Variants in TSPAN4 observed in about 807,000 individuals in gnomAD.
TSPAN4 encodes the protein tetraspanin 4, also known as tetraspanin-4.
Under a neutral mutation model 31.5 loss-of-function variants are expected in TSPAN4, and 38 were observed. That is an observed-to-expected ratio of 1.21 (90% confidence interval 0.93 to 1.58). The LOEUF is 1.58. Ranked by LOEUF, TSPAN4 falls within the 40% of genes most tolerant of loss-of-function variation. The probability of loss-of-function intolerance (pLI) is 0.00; values close to 1 mark genes in which losing one functional copy is unlikely to be tolerated. For missense variants in TSPAN4, 330 were observed against 317.3 expected, an observed-to-expected ratio of 1.04 and a Z score of -0.30; for synonymous variants, 186 against 144.6, an observed-to-expected ratio of 1.29 and a Z score of -2.06.
intron 3 of TSPAN4, among the ~76,000 whole-genome samples, chr11:859,144 A>C (rs1589781992): frequency 1.8e-5 from 2 of 111,104 alleles, no homozygotes; most frequent in South Asian, 3.4e-4. Flanking sequence ...CCCTGGGCTC[A>C]CATGCACCCC....
At chr11:852,282 CCTGT>C (rs922539640) in intron 3 of TSPAN4, among the ~76,000 whole-genome samples, 1 of 152,014 alleles carries the variant, frequency 6.6e-6, no homozygotes, top group African/African-American at 2.4e-5. Context: ...CATCACCACG[CCTGT>C]CTAATTTTTG....
intron 3 of TSPAN4, among the ~76,000 whole-genome samples, chr11:861,690 T>C (rs1430315439): frequency 1.4e-5 from 2 of 147,668 alleles, no homozygotes; most frequent in Non-Finnish European, 3.0e-5. Context: ...CCAGCCTGGG[T>C]GACAGTGCGA....
intron 3 of TSPAN4, chr11:857,189 C>T (rs1178988353): frequency 6.6e-6 from 1 of 152,172 alleles, no homozygotes; most frequent in African/African-American, 2.4e-5. Flanking sequence ...GGGAGGGGCC[C>T]AGGGCTGGAG....
At chr11:851,791 A>G (rs1327049691) in intron 3 of TSPAN4, among the ~76,000 whole-genome samples, 2 of 151,128 alleles carry the variant, frequency 1.3e-5, no homozygotes, top group African/African-American at 4.9e-5. Context: ...GGGCAGAATG[A>G]CTGAAGGGCA....
intron 5 of TSPAN4, chr11:865,000 C>T (rs1218072358): frequency 1.1e-5 from 2 of 185,434 alleles, no homozygotes; most frequent in Non-Finnish European, 2.3e-5. Flanking sequence ...CTGCCGTCTG[C>T]TGCTGGGTCC....
chr11:843,902 G>T (rs988569286), intron 1 of TSPAN4, among the ~76,000 whole-genome samples: 5 of 152,158 alleles, frequency 3.3e-5, no homozygotes, highest in Admixed American at 6.5e-5. Flanking sequence ...GAGGACGAAG[G>T]GTTTTCTGGG....
chr11:850,434 G>A, intron 3 of TSPAN4, 67 bp downstream of exon 3: 1 of 1,407,346 alleles, frequency 7.1e-7, no homozygotes, highest in Non-Finnish European at 9.8e-7. Context: ...GGGTCGCGGG[G>A]TCTGGGGAGT....
Position 854,494 on chromosome 11 carries a change from C to G in TSPAN4, c.63+4127C>G, listed in dbSNP as rs1036373351. ...TGTGGGAGGCCTCTCAGTTCCCCAC[C>G]ACCTGCGCTGATCCCCGGGGAGACC... On this transcript the variant is annotated intron_variant, in intron 3 of 8. Transcript: ENST00000397397. 2.3e-4 allele frequency among the ~76,000 whole-genome samples: 19 copies of G among 82,556 alleles called. No individual in the cohort carries two copies. The East Asian group carries it at 2.7e-3, about 12-fold the overall frequency. The allele number at this position is 82,556 out of a possible 152,430, so 54.2% of individuals were successfully genotyped here. A position where few individuals can be genotyped will look rare whatever the true frequency, so the allele number is the denominator to read the frequency against.
intron 2 of TSPAN4, among the ~76,000 whole-genome samples, chr11:847,613 C>CT: frequency 6.7e-6 from 1 of 149,224 alleles, no homozygotes; most frequent in Middle Eastern, 3.4e-3. Flanking sequence ...CCGCCCCCAC[C>CT]CCCCCCCAAC....
intron 2 of TSPAN4, chr11:849,793 G>A (rs1490258252): frequency 6.8e-6 from 1 of 147,866 alleles, no homozygotes; most frequent in African/African-American, 2.4e-5. Context: ...GGGATTGGCC[G>A]GGAGGGCGCG....
rs372781672 is a variant in TSPAN4 at position 865,996 on chromosome 11, G to A, written c.643G>A (p.Val215Met). Reference protein sequence around the residue: ...VGIFGLCTALVQILGLTFAMT... With the variant: ...VGIFGLCTALMQILGLTFAMT... ...CATCTTTGGGCTGTGCACGGCGCTG[G>A]TGCAGGTATGGCCTGGGGGCCTGCG... is the stretch of plus-strand genomic sequence containing the variant. The change falls in exon 8 of 9, where the codon GTG becomes ATG. Residue 215 changes from valine to methionine, a missense_variant. Transcript: ENST00000397397. 6.2e-7 allele frequency: 1 copy of A among 1,611,994 alleles called. No homozygotes were observed. The highest frequency in any genetic ancestry group is 8.5e-7 in the Non-Finnish European group (1 of 1,179,956).
At chr11:859,120 TGG>T (rs1589781893) in intron 3 of TSPAN4, among the ~76,000 whole-genome samples, 2 of 48,404 alleles carry the variant, frequency 4.1e-5, no homozygotes, top group Admixed American at 2.5e-4. Flanking sequence ...ACACGTGCCC[TGG>T]CTCACACGCA....
intron 3 of TSPAN4, among the ~76,000 whole-genome samples, chr11:853,099 G>T (rs1847846835): frequency 6.6e-6 from 1 of 151,964 alleles, no homozygotes; most frequent in African/African-American, 2.4e-5. Context: ...TGGTACAGGT[G>T]CGGCCAGGGC....
At chr11:854,551 G>C (rs1847942599) in intron 3 of TSPAN4, among the ~76,000 whole-genome samples, 1 of 152,222 alleles carries the variant, frequency 6.6e-6, no homozygotes, top group African/African-American at 2.4e-5. Context: ...CTCGGAGCCA[G>C]GTGGTCCAGG....
chr11:849,398 C>G (rs974743379), intron 2 of TSPAN4, among the ~76,000 whole-genome samples: 2 of 151,876 alleles, frequency 1.3e-5, no homozygotes, highest in Admixed American at 1.3e-4. Flanking sequence ...CAAGTTGCCA[C>G]CAGACAGCAA....
intron 3 of TSPAN4, among the ~76,000 whole-genome samples, chr11:854,457 G>A (rs1051031852): frequency 6.6e-6 from 1 of 151,926 alleles, no homozygotes; most frequent in African/African-American, 2.4e-5. Flanking sequence ...TGGCTCGGGG[G>A]TTGAATGGAA....
intron 1 of TSPAN4, among the ~76,000 whole-genome samples, chr11:846,287 G>C (rs764205215): frequency 1.1e-4 from 17 of 152,212 alleles, no homozygotes; most frequent in Non-Finnish European, 1.6e-4. Flanking sequence ...CATGTGGGCA[G>C]GCCCCTCTTT....
At chr11:859,350 C>T (rs1480345039) in intron 3 of TSPAN4, among the ~76,000 whole-genome samples, 1 of 15,804 alleles carries the variant, frequency 6.3e-5, no homozygotes, top group Non-Finnish European at 1.3e-4. Flanking sequence ...ACACGCACCC[C>T]GGGCTCACAC....
intron 3 of TSPAN4, among the ~76,000 whole-genome samples, chr11:854,349 C>T (rs1847926686): frequency 6.6e-6 from 1 of 152,186 alleles, no homozygotes; most frequent in African/African-American, 2.4e-5. Flanking sequence ...TCCCACCTGC[C>T]AGTGCGGGAC....
Sources: allele counts gnomAD v4.1 joint callset (sites outside exome capture counted in the v4.1 genomes callset), GRCh38; gene constraint gnomAD v4.1.1; transcripts MANE v1.5; gene names NCBI Gene and HGNC (gene_info 2026-07-23, HGNC 2026-07-21).